The following DOCK4 variants were observed in gnomAD, a reference collection of about 807,000 sequenced individuals.
The protein encoded by DOCK4 is dedicator of cytokinesis 4.
Under a neutral mutation model 268.1 loss-of-function variants are expected in DOCK4, and 97 were observed. The observed-to-expected ratio is 0.36, with a 90% CI of 0.31 to 0.43. DOCK4 has a LOEUF of 0.43. Among genes scored for constraint, DOCK4 ranks in the 20% least tolerant of loss-of-function variants. The pLI is 1.00. For missense variants in DOCK4, 2,145 were observed against 2,455.7 expected (o/e 0.87, Z 2.67); for synonymous variants, 954 against 887.2 (o/e 1.08, Z -1.34).
chr7:111,894,231 A>G (rs1254646071), intron 16 of DOCK4, among the ~76,000 whole-genome samples: 2 of 151,506 alleles, frequency 1.3e-5, no homozygotes, highest in African/African-American at 2.4e-5. Context: ...CAAAAAAAAA[A>G]AGAAAAAAGA....
At chr7:112,049,533 G>T (rs149308688) in intron 1 of DOCK4, among the ~76,000 whole-genome samples, 5 of 152,034 alleles carry the variant, frequency 3.3e-5, no homozygotes, top group African/African-American at 1.2e-4. Context: ...TAAAATCTCA[G>T]GACATCAATG....
At chr7:111,932,849 A>G (rs1219352906) in intron 12 of DOCK4, among the ~76,000 whole-genome samples, 3 of 151,998 alleles carry the variant, frequency 2.0e-5, no homozygotes, top group Non-Finnish European at 4.4e-5. Context: ...CCTGAATTGG[A>G]CAGCACAGGT....
intron 1 of DOCK4, among the ~76,000 whole-genome samples, chr7:112,089,688 A>G (rs1809445960): frequency 6.6e-6 from 1 of 152,032 alleles, no homozygotes; most frequent in South Asian, 2.1e-4. Context: ...ATAGTGAGTG[A>G]GTTCTCATGA....
intron 22 of DOCK4, among the ~76,000 whole-genome samples, 197 bp downstream of exon 22, chr7:111,867,787 G>C (rs1246296021): frequency 1.3e-5 from 2 of 152,126 alleles, no homozygotes; most frequent in Non-Finnish European, 2.9e-5. Flanking sequence ...AGAAGGGAAA[G>C]GCAACCCACT....
intron 41 of DOCK4, 74 bp downstream of exon 41, chr7:111,758,550 T>C: frequency 6.6e-7 from 1 of 1,513,844 alleles, no homozygotes. Flanking sequence ...TGAGTAAATA[T>C]TTACCAAGGG....
intron 1 of DOCK4, among the ~76,000 whole-genome samples, chr7:112,090,525 T>C (rs926886295): frequency 2.0e-5 from 3 of 152,226 alleles, no homozygotes; most frequent in African/African-American, 7.2e-5. Context: ...TAAGTAACCA[T>C]ATTTTATAAC....
chr7:111,986,531 G>A (rs73210911), intron 6 of DOCK4, among the ~76,000 whole-genome samples: 16,375 of 152,228 alleles, frequency 0.11, 977 homozygotes, highest in Middle Eastern at 0.15. Context: ...AAGGAGAAAT[G>A]AGGCAAGTAG....
intron 2 of DOCK4, among the ~76,000 whole-genome samples, chr7:112,003,623 T>C (rs1800618980): frequency 6.6e-6 from 1 of 152,220 alleles, no homozygotes; most frequent in African/African-American, 2.4e-5. Context: ...GAAGAAACTA[T>C]AGGCCTGGAG....
rs577158840 is a variant in DOCK4, at chr7:112,008,587, T to C, written c.38-4456A>G. ...GGGACTCATTCCTTGGTTTCAATGA[T>C]GCTATTTGCTCATGCCAAGAACCAA... On this transcript the variant is annotated intron_variant, in intron 1 of 52. Transcript: ENST00000428084. 5.4e-4 allele frequency among the ~76,000 whole-genome samples: 82 copies of C among 152,352 alleles called. 1 individual carries two copies. Among genetic ancestry groups the C allele is most frequent in the Non-Finnish European group, 1.1e-3 (72 of 68,040 alleles).
intron 36 of DOCK4, among the ~76,000 whole-genome samples, chr7:111,773,508 T>C (rs372810874): frequency 2.0e-5 from 3 of 152,216 alleles, no homozygotes; most frequent in Non-Finnish European, 4.4e-5. Context: ...TATCCTCACT[T>C]ACCTCCCGCA....
chr7:112,146,816 TAA>T (rs1419065108), intron 1 of DOCK4, among the ~76,000 whole-genome samples: 1 of 152,170 alleles, frequency 6.6e-6, no homozygotes, highest in Non-Finnish European at 1.5e-5. Context: ...ATTTCTTCAT[TAA>T]GTTTGAAATT....
intron 25 of DOCK4, among the ~76,000 whole-genome samples, chr7:111,841,192 T>A (rs927897189): frequency 2.0e-5 from 3 of 152,030 alleles, no homozygotes; most frequent in African/African-American, 7.3e-5. Flanking sequence ...TGAGACAGGG[T>A]CTCACTCTGT....
chr7:111,899,856 G>A (rs567795280), intron 15 of DOCK4, among the ~76,000 whole-genome samples: 4 of 152,286 alleles, frequency 2.6e-5, no homozygotes, highest in African/African-American at 7.2e-5. Flanking sequence ...CCTGGGAGGC[G>A]GAAGTTGCAG....
intron 30 of DOCK4, among the ~76,000 whole-genome samples, chr7:111,806,957 A>C (rs1260771349): frequency 6.6e-6 from 1 of 152,250 alleles, no homozygotes; most frequent in East Asian, 1.9e-4. Flanking sequence ...ATACAGGATA[A>C]AAGTTTATGA....
chr7:112,109,973 T>C (rs551744025), intron 1 of DOCK4, among the ~76,000 whole-genome samples: 20 of 151,774 alleles, frequency 1.3e-4, no homozygotes, highest in African/African-American at 4.9e-4. Flanking sequence ...CTCGATCTCC[T>C]GACCTCGTGA....
At chr7:112,180,034 A>C (rs1818884929) in intron 1 of DOCK4, among the ~76,000 whole-genome samples, 1 of 152,196 alleles carries the variant, frequency 6.6e-6, no homozygotes. Flanking sequence ...AAAAGTCTAA[A>C]GTAGAACATA....
At chr7:111,866,607 C>T (rs951769137) in intron 22 of DOCK4, among the ~76,000 whole-genome samples, 95 of 152,278 alleles carry the variant, frequency 6.2e-4, no homozygotes, top group African/African-American at 2.2e-3. Flanking sequence ...AGAGCTGCTC[C>T]ACTCTGCTGT....
chr7:112,170,503 C>G (rs1180431020), intron 1 of DOCK4, among the ~76,000 whole-genome samples: 1 of 151,776 alleles, frequency 6.6e-6, no homozygotes, highest in Non-Finnish European at 1.5e-5. Context: ...AGTTAACTTA[C>G]TATAGGAGCA....
intron 27 of DOCK4, among the ~76,000 whole-genome samples, chr7:111,817,919 T>G (rs984582035): frequency 6.6e-6 from 1 of 152,170 alleles, no homozygotes; most frequent in Non-Finnish European, 1.5e-5. Context: ...ACCACTCCAC[T>G]GAAACAACAC....
Sources: allele counts gnomAD v4.1 joint callset (sites outside exome capture counted in the v4.1 genomes callset), GRCh38; gene constraint gnomAD v4.1.1; transcripts MANE v1.5; gene names NCBI Gene and HGNC (gene_info 2026-07-23, HGNC 2026-07-21).